The following RANBP2 variants were observed in gnomAD, a reference collection of about 807,000 sequenced individuals.
The protein encoded by RANBP2 is RAN binding protein 2.
RANBP2 carries 57 observed loss-of-function variants against 303.6 expected under a neutral mutation model. The ratio of observed to expected loss-of-function variants is 0.19; its 90% CI spans 0.15 to 0.23. The LOEUF (loss-of-function observed/expected upper bound fraction) is 0.23, where lower values mean the gene tolerates loss of function less well. RANBP2 is among the 10% of genes least tolerant of loss of function. The pLI, the probability that RANBP2 is intolerant of heterozygous loss-of-function variation, is 1.00. For missense variants in RANBP2, 3,138 were observed against 3,780.8 expected (o/e 0.83, Z 4.46); for synonymous variants, 1,167 against 1,301.5 (o/e 0.90, Z 2.23).
At chr2:108,760,232 T>G (rs1676631837) in intron 18 of RANBP2, among the ~76,000 whole-genome samples, 1 of 152,236 alleles carries the variant, frequency 6.6e-6, no homozygotes, top group Admixed American at 6.5e-5. Context: ...CTTATTAACA[T>G]TTCCTATATT....
At chr2:109,176,733 T>C in the RANBP2 span, among the ~76,000 whole-genome samples, 2 of 152,002 alleles carry the variant, frequency 1.3e-5, no homozygotes, top group Non-Finnish European at 2.9e-5. Context: ...CCAGACCCTG[T>C]CTCTAAAAAA....
chr2:109,061,067 C>T, the RANBP2 span, among the ~76,000 whole-genome samples: 15 of 151,922 alleles, frequency 9.9e-5, no homozygotes, highest in East Asian at 2.5e-3. Flanking sequence ...TTGTCCTCTG[C>T]TTGAATAATA....
chr2:108,803,534 C>A, the RANBP2 span, among the ~76,000 whole-genome samples: 1 of 152,224 alleles, frequency 6.6e-6, no homozygotes, highest in African/African-American at 2.4e-5. Context: ...GCTCACTGCA[C>A]CCTCAAGTCA....
chr2:109,387,528 C>A, the RANBP2 span, among the ~76,000 whole-genome samples: 1 of 152,332 alleles, frequency 6.6e-6, no homozygotes, highest in Non-Finnish European at 1.5e-5. Context: ...TTCCCACCTG[C>A]CCATCACCCT....
chr2:109,720,450 C>A, the RANBP2 span, among the ~76,000 whole-genome samples: 1 of 152,134 alleles, frequency 6.6e-6, no homozygotes, highest in African/African-American at 2.4e-5. Flanking sequence ...CCATCCCAGA[C>A]AAATTGAAAC....
At chr2:109,033,103 C>G in the RANBP2 span, among the ~76,000 whole-genome samples, 1 of 152,174 alleles carries the variant, frequency 6.6e-6, no homozygotes, top group East Asian at 1.9e-4. Context: ...GGACAGAGAC[C>G]TTTCATGTTT....
the RANBP2 span, among the ~76,000 whole-genome samples, chr2:109,657,264 G>A: frequency 6.6e-6 from 1 of 152,050 alleles, no homozygotes; most frequent in East Asian, 1.9e-4. Context: ...CAGGCAACAT[G>A]GAGAAACCTC....
chr2:108,938,854 A>T, the RANBP2 span, among the ~76,000 whole-genome samples: 14 of 118,398 alleles, frequency 1.2e-4, no homozygotes, highest in East Asian at 3.6e-3. Flanking sequence ...ATCTTGGCTC[A>T]CTGCAACCTC....
the RANBP2 span, among the ~76,000 whole-genome samples, chr2:108,915,800 G>A: frequency 3.3e-5 from 5 of 152,120 alleles, no homozygotes; most frequent in Admixed American, 1.3e-4. Flanking sequence ...GGGAGGCTGA[G>A]GCAAGAGAAT....
the RANBP2 span, chr2:108,910,380 T>C: frequency 8.5e-7 from 1 of 1,182,316 alleles, no homozygotes; most frequent in South Asian, 1.3e-5. Flanking sequence ...GTCAGTTCAC[T>C]CGGCTGCACC....
the RANBP2 span, among the ~76,000 whole-genome samples, chr2:109,424,039 C>T: frequency 6.6e-6 from 1 of 152,204 alleles, no homozygotes; most frequent in Admixed American, 6.5e-5. Flanking sequence ...GAAGGAGCTG[C>T]AGGCCCTGGT....
At chr2:108,890,733 C>T in the RANBP2 span, among the ~76,000 whole-genome samples, 1 of 152,100 alleles carries the variant, frequency 6.6e-6, no homozygotes, top group African/African-American at 2.4e-5. Context: ...AAGTTTTCAT[C>T]TATTATTTTA....
chr2:108,919,829 C>T, the RANBP2 span, among the ~76,000 whole-genome samples: 2 of 152,240 alleles, frequency 1.3e-5, no homozygotes, highest in Non-Finnish European at 2.9e-5. Flanking sequence ...AGCCCTTCTG[C>T]CCAGTGGCTC....
the RANBP2 span, among the ~76,000 whole-genome samples, chr2:109,325,012 G>C: frequency 6.6e-6 from 1 of 151,466 alleles, no homozygotes; most frequent in Non-Finnish European, 1.5e-5. Context: ...GAGGCCTTTG[G>C]CTTGCGTAAG....
the RANBP2 span, among the ~76,000 whole-genome samples, chr2:109,233,693 A>G: frequency 1.3e-5 from 2 of 152,182 alleles, no homozygotes; most frequent in Non-Finnish European, 2.9e-5. Context: ...GCAGAGCTCT[A>G]TCCTTTTGGC....
chr2:108,815,975 C>T, the RANBP2 span: 1 of 1,612,704 alleles, frequency 6.2e-7, no homozygotes, highest in East Asian at 2.2e-5. Flanking sequence ...GAACTTTTAA[C>T]TGTCTTCATG....
chr2:109,287,527 A>T, the RANBP2 span, among the ~76,000 whole-genome samples: 15 of 152,268 alleles, frequency 9.9e-5, no homozygotes, highest in Admixed American at 9.1e-4. Context: ...GGTGACTTCC[A>T]TGCACCCTGC....
At chr2:108,791,565 GT>G in the RANBP2 span, 1 of 1,307,108 alleles carries the variant, frequency 7.7e-7, no homozygotes, top group East Asian at 2.4e-5. Flanking sequence ...TTTAAAAAAT[GT>G]TTTTACATTT....
chr2:109,129,446 C>G, the RANBP2 span: 1 of 1,490,878 alleles, frequency 6.7e-7, no homozygotes, highest in Non-Finnish European at 8.9e-7. Flanking sequence ...CGGCGGAGCC[C>G]GGCTCCCCAG....
Sources: gnomAD v4.1 joint callset for allele counts (sites outside exome capture counted in the v4.1 genomes callset) on GRCh38, gnomAD v4.1.1 for gene constraint, MANE v1.5 for transcripts, NCBI Gene and HGNC (gene_info 2026-07-23, HGNC 2026-07-21) for gene names.